The following CORO7 variants were observed in gnomAD, a reference collection of about 807,000 sequenced individuals.
CORO7 encodes coronin 7, also known as coronin-7.
Under a neutral mutation model 126.6 loss-of-function variants are expected in CORO7, and 107 were observed. The observed-to-expected ratio is 0.85, with a 90% CI of 0.72 to 0.99. The LOEUF (loss-of-function observed/expected upper bound fraction) is 0.99, where lower values mean the gene tolerates loss of function less well. Ranked by LOEUF, CORO7 falls within the 50% of genes least tolerant of loss-of-function variation. CORO7 has a pLI of 0.00. For synonymous variants in CORO7, 603 were observed against 536.8 expected (o/e 1.12, Z -1.70); for missense variants, 1,314 against 1,255.8 (o/e 1.05, Z -0.70).
rs1168588433 is a variant in CORO7 at position 4,412,387 on chromosome 16, C to T, written c.201G>A (p.Lys67=). ...GGCAGCCCAGGTGGGCCACGCGTCG[C>T]TTGTCCTCTCCTTGGCCTTGCAGAG... ...IVPLQGQGED[K]RRVAHLGCHS... Residue 67 remains lysine (K), a synonymous_variant, in exon 3 of 28, where the codon AAG becomes AAA. Coordinates refer to ENST00000251166, the MANE Select transcript of CORO7 (RefSeq NM_024535.5). 3 of 1,614,120 alleles carry T rather than the reference C, an allele frequency of 1.9e-6. No individual in the cohort carries two copies. Among genetic ancestry groups the T allele is most frequent in the Non-Finnish European group, 2.5e-6 (3 of 1,180,048 alleles).
intron 9 of CORO7, among the ~76,000 whole-genome samples, chr16:4,372,721 G>A (rs2054580455): frequency 6.6e-6 from 1 of 152,176 alleles, no homozygotes; most frequent in Admixed American, 6.5e-5. Flanking sequence ...GTGGTCACTG[G>A]CAGGCCAGCC....
At chr16:4,370,617 G>C (rs2054490387) in intron 9 of CORO7, among the ~76,000 whole-genome samples, 1 of 152,258 alleles carries the variant, frequency 6.6e-6, no homozygotes, top group Admixed American at 6.5e-5. Flanking sequence ...GTGGAGCCCT[G>C]CCAGCCCTGG....
In CORO7 at chr16:4,355,082, C is replaced by T; in HGVS notation, c.*76G>A. The T allele has an allele frequency of 7.0e-7, 1 of 1,419,988 alleles. No homozygotes were observed. Among genetic ancestry groups the T allele is most frequent in the Non-Finnish European group, 9.3e-7 (1 of 1,075,856 alleles). The allele number at this position is 1,419,988 out of a possible 1,614,324, so 88.0% of individuals were successfully genotyped here. A position where few individuals can be genotyped will look rare whatever the true frequency, so the allele number is the denominator to read the frequency against. On this transcript the variant is annotated 3_prime_UTR_variant, in exon 28 of 28. Coordinates refer to ENST00000251166, the MANE Select transcript of CORO7 (RefSeq NM_024535.5). ...TGTGCCGGGGCCAGAGAGGTATCTT[C>T]CAGCTTGAGGATGAGCCGTGAGGTG... is the stretch of plus-strand genomic sequence containing the variant.
At position 4,360,440 on chromosome 16, in the gene CORO7, T is replaced by G. The variant is rs374692674; in HGVS notation, c.2022+4A>C. The stretch of plus-strand genomic sequence containing the variant: ...AGGCCACTCCCCAGCCCCTGTGTGC[T>G]CACCTGCAGGGGCTCAGGGCCACTC... On this transcript the variant is annotated splice_donor_region_variant and intron_variant, in intron 20 of 27. Coordinates refer to ENST00000251166, the MANE Select transcript of CORO7 (RefSeq NM_024535.5). 5.6e-6 allele frequency: 9 copies of G among 1,612,624 alleles called. No homozygotes were observed. The highest frequency in any genetic ancestry group is 1.3e-5 in the African/African-American group (1 of 74,890).
At chr16:4,414,008 G>A (rs906380569) in intron 1 of CORO7, among the ~76,000 whole-genome samples, 4 of 151,408 alleles carry the variant, frequency 2.6e-5, no homozygotes, top group African/African-American at 9.7e-5. Flanking sequence ...CCAACATGGT[G>A]AAACCTTATC....
At position 4,416,459 on chromosome 16, in the gene CORO7, C is replaced by G; in HGVS notation, c.60G>C (p.Glu20Asp). 3 of 1,573,628 alleles carry G rather than the reference C, an allele frequency of 1.9e-6. No homozygotes were observed. In the South Asian group the frequency reaches 3.4e-5, roughly 18 times the overall value. The change falls in exon 1 of 28, where the codon GAG becomes GAC. Residue 20 changes from glutamate (E) to aspartate (D), a missense_variant and splice_region_variant. By Grantham distance (45) the Glu-to-Asp change is conservative. Transcript: ENST00000251166. ...RHTEARPPRR[E>D]SWISDIRAGT... Reference sequence around the variant, plus strand: ...CGCCCGGTCCTCGGGCCGGACTCACCTCGCGGCGGGGCGGCCGAGCCTCGG... The same window carrying G: ...CGCCCGGTCCTCGGGCCGGACTCACGTCGCGGCGGGGCGGCCGAGCCTCGG...
chr16:4,369,407 A>C (rs968333623), intron 9 of CORO7, among the ~76,000 whole-genome samples: 1 of 151,948 alleles, frequency 6.6e-6, no homozygotes, highest in Non-Finnish European at 1.5e-5. Flanking sequence ...TATTGCCGGC[A>C]CCTCTCCTGC....
intron 9 of CORO7, among the ~76,000 whole-genome samples, chr16:4,374,415 G>A (rs2054645759): frequency 6.6e-6 from 1 of 152,108 alleles, no homozygotes; most frequent in African/African-American, 2.4e-5. Context: ...GGGGGCAGGC[G>A]AGGGGCCAGT....
At position 4,354,988 on chromosome 16, in the gene CORO7, C is replaced by G. The variant is rs576060638; in HGVS notation, c.*170G>C. ...CAGAGACAGCAGAGGTGAAAACAGTCCCTGGGAACTGCCAGAGGCCCAGAG... is the reference window on the plus strand; with the variant it reads ...CAGAGACAGCAGAGGTGAAAACAGTGCCTGGGAACTGCCAGAGGCCCAGAG... On this transcript the variant is annotated 3_prime_UTR_variant, in exon 28 of 28. Coordinates refer to ENST00000251166, the MANE Select transcript of CORO7 (RefSeq NM_024535.5). 3.9e-5 allele frequency: 25 copies of G among 645,662 alleles called. No homozygotes were observed. The South Asian group carries it at 7.5e-4, about 19-fold the overall frequency. 40.0% of individuals were successfully genotyped at this position (645,662 alleles called of 1,614,324 possible).
rs1412205208 is a variant in CORO7, at chr16:4,388,603, T to C, written c.644A>G (p.Asp215Gly). The change falls in exon 8 of 28, where the codon GAT becomes GGT. Residue 215 changes from aspartate to glycine, a missense_variant. By Grantham distance (94) the Asp-to-Gly change is moderately conservative (BLOSUM62 -1). Coordinates refer to ENST00000251166, the MANE Select transcript of CORO7 (RefSeq NM_024535.5). ...QSTQAHENSRDSRLAWMGTWE... is the reference protein window; with the variant it reads ...QSTQAHENSRGSRLAWMGTWE... ...GGTGCCCATCCATGCCAGCCGGCTA[T>C]CCCTGCTGTTCTCATGGGCCTGCGT... 3 of 1,612,922 alleles carry C rather than the reference T, an allele frequency of 1.9e-6. No homozygotes were observed. The highest frequency in any genetic ancestry group is 2.2e-5 in the South Asian group (2 of 90,832).
At chr16:4,391,059 GT>G (rs2055369445) in intron 7 of CORO7, among the ~76,000 whole-genome samples, 1 of 152,214 alleles carries the variant, frequency 6.6e-6, no homozygotes, top group South Asian at 2.1e-4. Context: ...AAGCCCCCAG[GT>G]GAGGGAGGGG....
chr16:4,357,088 G>A, intron 26 of CORO7, 80 bp downstream of exon 26: 5 of 1,564,176 alleles, frequency 3.2e-6, no homozygotes, highest in Non-Finnish European at 3.5e-6. Flanking sequence ...GTCTGGGTTG[G>A]GGATGGAGAA....
chr16:4,401,836 G>A (rs573919813), intron 6 of CORO7, among the ~76,000 whole-genome samples: 19 of 152,068 alleles, frequency 1.2e-4, no homozygotes, highest in Non-Finnish European at 2.8e-4. Context: ...GACAGCCCGA[G>A]TCCAGATGCC....
intron 23 of CORO7, 61 bp downstream of exon 23, chr16:4,359,235 C>A: frequency 6.6e-7 from 1 of 1,504,742 alleles, no homozygotes; most frequent in Non-Finnish European, 8.9e-7. Context: ...GCCCACATGG[C>A]CACCAGGGGG....
In CORO7 at chr16:4,357,237, G is replaced by T. The variant is rs1235743803; in HGVS notation, c.2616C>A (p.Ala872=). Residue 872 remains alanine, a synonymous_variant, in exon 26 of 28, where the codon GCC becomes GCA. Transcript: ENST00000251166. ...MSPVSQAPRE[A]PARRAPSSAQ... ...CTGAGGATGGGGCCCGACGAGCAGGGGCCTCTCGGGGGGCTTGGCTCACTG... is the reference window on the plus strand; with the variant it reads ...CTGAGGATGGGGCCCGACGAGCAGGTGCCTCTCGGGGGGCTTGGCTCACTG... 6.2e-7 allele frequency: 1 copy of T among 1,613,540 alleles called. No individual in the cohort carries two copies. The highest frequency in any genetic ancestry group is 8.5e-7 in the Non-Finnish European group (1 of 1,179,924).
intron 9 of CORO7, chr16:4,382,879 C>A: frequency 6.5e-7 from 1 of 1,545,088 alleles, no homozygotes; most frequent in Non-Finnish European, 8.7e-7. Flanking sequence ...GTCACCCCTC[C>A]ACGCAAAGCC....
chr16:4,413,562 G>C, intron 1 of CORO7, 158 bp from the exon 2 acceptor site: 4 of 641,362 alleles, frequency 6.2e-6, no homozygotes, highest in Non-Finnish European at 1.0e-5. Flanking sequence ...TTTTGAGACA[G>C]GGTCTCACTC....
chr16:4,367,001 G>A (rs761322930), intron 9 of CORO7, among the ~76,000 whole-genome samples: 7 of 152,146 alleles, frequency 4.6e-5, no homozygotes, highest in South Asian at 2.1e-4. Context: ...GGGCCCAGCC[G>A]CCCTCCACTG....
intron 9 of CORO7, among the ~76,000 whole-genome samples, chr16:4,387,030 T>G (rs1395458200): frequency 6.6e-6 from 1 of 152,200 alleles, no homozygotes; most frequent in Non-Finnish European, 1.5e-5. Flanking sequence ...GCTTGCCAAG[T>G]ACCACCCCTT....
Sources: allele counts gnomAD v4.1 joint callset (sites outside exome capture counted in the v4.1 genomes callset), GRCh38; gene constraint gnomAD v4.1.1; transcripts MANE v1.5; gene names NCBI Gene and HGNC (gene_info 2026-07-23, HGNC 2026-07-21).